Variants in SYT1 observed in about 807,000 individuals in gnomAD.
SYT1 encodes the protein synaptotagmin 1, also known as synaptotagmin-1.
A neutral mutation model predicts 44.8 loss-of-function variants in SYT1; 8 were observed. The observed-to-expected ratio is 0.18, with a 90% CI of 0.10 to 0.32. The LOEUF is 0.32. Among genes scored for constraint, SYT1 ranks in the 10% least tolerant of loss-of-function variants. The probability of loss-of-function intolerance (pLI) is 1.00; values close to 1 mark genes in which losing one functional copy is unlikely to be tolerated. For missense variants in SYT1, 286 were observed against 509.3 expected, an observed-to-expected ratio of 0.56 and a Z score of 4.22; for synonymous variants, 154 against 188.8, an observed-to-expected ratio of 0.82 and a Z score of 1.51.
chr12:79,279,320 C>T (rs1214094311), intron 4 of SYT1, among the ~76,000 whole-genome samples: 1 of 152,010 alleles, frequency 6.6e-6, no homozygotes, highest in African/African-American at 2.4e-5. Flanking sequence ...GGTTTCATTC[C>T]AGGGATGCTA....
intron 3 of SYT1, among the ~76,000 whole-genome samples, chr12:79,188,896 TAC>T (rs1872953312): frequency 6.6e-6 from 1 of 152,070 alleles, no homozygotes; most frequent in South Asian, 2.1e-4. Flanking sequence ...CATAGAAGAA[TAC>T]AGAGTCCCAC....
chr12:79,400,383 C>T (rs1885027286), intron 9 of SYT1, among the ~76,000 whole-genome samples: 1 of 152,192 alleles, frequency 6.6e-6, no homozygotes. Context: ...TCCCCTCCTA[C>T]TGCCTGCAAA....
At chr12:78,981,105 G>C (rs1223179391) in intron 2 of SYT1, among the ~76,000 whole-genome samples, 1 of 145,844 alleles carries the variant, frequency 6.9e-6, no homozygotes, top group Non-Finnish European at 1.5e-5. Context: ...GTTTTTTGTT[G>C]TTGTTTTGTT....
chr12:79,360,820 A>C (rs928005442), intron 9 of SYT1, among the ~76,000 whole-genome samples: 6 of 152,212 alleles, frequency 3.9e-5, no homozygotes, highest in Non-Finnish European at 7.3e-5. Flanking sequence ...TGGTCTAAAA[A>C]ACAAATGACA....
chr12:79,425,901 C>T (rs1869416121), intron 9 of SYT1, among the ~76,000 whole-genome samples: 1 of 152,048 alleles, frequency 6.6e-6, no homozygotes, highest in Non-Finnish European at 1.5e-5. Context: ...GCATGAAGGA[C>T]ACAGAGAGCT....
intron 9 of SYT1, among the ~76,000 whole-genome samples, chr12:79,368,799 C>T (rs1168911091): frequency 0.018 from 1,931 of 106,680 alleles, no homozygotes; most frequent in South Asian, 0.029. Flanking sequence ...TGGATATTAG[C>T]CCTTTGTCAG....
intron 3 of SYT1, among the ~76,000 whole-genome samples, chr12:79,089,259 AAGTGGACAATTTGAACTCATTTACT>A (rs1415289500): frequency 6.6e-6 from 1 of 152,034 alleles, no homozygotes; most frequent in Non-Finnish European, 1.5e-5. Flanking sequence ...TAGAAGGCTA[AAGTGGACAATTTGAACTCATTTACT>A]AGTAGCTTGG....
chr12:78,934,745 G>C (rs1445670397), intron 1 of SYT1, among the ~76,000 whole-genome samples: 1 of 152,154 alleles, frequency 6.6e-6, no homozygotes, highest in African/African-American at 2.4e-5. Context: ...AAGATACACT[G>C]AAATTTACTA....
rs188030037 is a variant in SYT1 at position 78,905,854 on chromosome 12, T to G, written c.-217+40745T>G. Among the ~76,000 whole-genome samples the G allele has an allele frequency of 2.2e-3, 337 of 152,172 alleles. 2 individuals carry two copies. The highest frequency in any genetic ancestry group is 7.9e-3 in the African/African-American group (327 of 41,552). ...ATGTAAAATCTATTTAAAACTCTAA[T>G]ATGGAGAAAAATTACTCTAATTATA... On this transcript the variant is annotated intron_variant, in intron 1 of 10. Transcript: ENST00000261205.
At chr12:79,274,572 C>T (rs1878612399) in intron 4 of SYT1, among the ~76,000 whole-genome samples, 1 of 152,226 alleles carries the variant, frequency 6.6e-6, no homozygotes, top group Non-Finnish European at 1.5e-5. Flanking sequence ...GCAGCGCAAA[C>T]TTGGCTCACC....
At chr12:79,175,379 G>A (rs147696474) in intron 3 of SYT1, among the ~76,000 whole-genome samples, 68 of 152,036 alleles carry the variant, frequency 4.5e-4, no homozygotes, top group African/African-American at 1.6e-3. Context: ...TTTAGTCTCA[G>A]TTTGTCTGTA....
intron 1 of SYT1, among the ~76,000 whole-genome samples, chr12:78,915,361 T>G (rs1228338844): frequency 2.0e-5 from 3 of 151,966 alleles, no homozygotes; most frequent in Non-Finnish European, 2.9e-5. Context: ...AGAGTGATTT[T>G]GATGCATAGC....
At chr12:78,967,666 T>C (rs1359019399) in intron 1 of SYT1, among the ~76,000 whole-genome samples, 1 of 152,150 alleles carries the variant, frequency 6.6e-6, no homozygotes, top group Non-Finnish European at 1.5e-5. Flanking sequence ...AAGCCATCTA[T>C]GAGCAGATAG....
At chr12:78,914,921 T>G (rs1164508095) in intron 1 of SYT1, among the ~76,000 whole-genome samples, 2 of 151,986 alleles carry the variant, frequency 1.3e-5, no homozygotes, top group Non-Finnish European at 2.9e-5. Context: ...ACATTAGTCA[T>G]ACAGAATGTT....
chr12:79,338,287 TC>T (rs1882181546), intron 8 of SYT1, among the ~76,000 whole-genome samples: 2 of 151,492 alleles, frequency 1.3e-5, no homozygotes, highest in African/African-American at 2.4e-5. Flanking sequence ...TTTTTTTTTT[TC>T]TTTTTTGAGA....
chr12:79,348,881 CAG>C (rs1319672503), intron 8 of SYT1, among the ~76,000 whole-genome samples: 3 of 77,856 alleles, frequency 3.9e-5, no homozygotes, highest in Non-Finnish European at 5.4e-5. Flanking sequence ...GAAAGAAAGA[CAG>C]ATGAAAAAAG....
At chr12:78,942,778 A>G (rs1016667902) in intron 1 of SYT1, among the ~76,000 whole-genome samples, 26 of 152,162 alleles carry the variant, frequency 1.7e-4, no homozygotes, top group Admixed American at 3.3e-4. Context: ...ACCAGCTTCC[A>G]CTTTTCCTGT....
At chr12:78,911,397 A>G (rs1340139013) in intron 1 of SYT1, among the ~76,000 whole-genome samples, 5 of 151,980 alleles carry the variant, frequency 3.3e-5, no homozygotes, top group African/African-American at 1.2e-4. Flanking sequence ...AAGAAAGTAT[A>G]CAATAAAAAA....
Position 79,338,819 on chromosome 12 carries a change from C to G in SYT1, c.811-14683C>G, listed in dbSNP as rs368518232. ...ATTTCTCCTAATACTATCCCTCCCC[C>G]ATCCCCCGACCCCACAACAGGCCCG... On this transcript the variant is annotated intron_variant, in intron 8 of 10. Transcript: ENST00000261205. Among the ~76,000 whole-genome samples the G allele has an allele frequency of 4.6e-5, 7 of 152,100 alleles. 1 individual carries two copies. Among genetic ancestry groups the G allele is most frequent in the Admixed American group, 3.3e-4 (5 of 15,266 alleles).
Sources: gnomAD v4.1 joint callset for allele counts (sites outside exome capture counted in the v4.1 genomes callset) on GRCh38, gnomAD v4.1.1 for gene constraint, MANE v1.5 for transcripts, NCBI Gene and HGNC (gene_info 2026-07-23, HGNC 2026-07-21) for gene names.